Variants in ASPRV1 observed in about 807,000 individuals in gnomAD.
ASPRV1 encodes retroviral-like aspartic protease 1.
A neutral mutation model predicts 11.0 loss-of-function variants in ASPRV1; 7 were observed. The ratio of observed to expected loss-of-function variants is 0.64; its 90% CI spans 0.36 to 1.20. ASPRV1 has a LOEUF of 1.20. ASPRV1 is among the 50% of genes most tolerant of loss of function. The probability of loss-of-function intolerance (pLI) is 0.02; values close to 1 mark genes in which losing one functional copy is unlikely to be tolerated. For missense variants in ASPRV1, 299 were observed against 320.0 expected (o/e 0.93, Z 0.50); for synonymous variants, 136 against 138.4 (o/e 0.98, Z 0.12).
At chr2:70,056,772 A>G in the ASPRV1 span, among the ~76,000 whole-genome samples, 1 of 151,580 alleles carries the variant, frequency 6.6e-6, no homozygotes, top group Non-Finnish European at 1.5e-5. Flanking sequence ...TCTGTCACAC[A>G]GGCTGGAGTG....
At chr2:70,085,963 G>C in the ASPRV1 span, 2 of 152,234 alleles carry the variant, frequency 1.3e-5, no homozygotes, top group African/African-American at 4.8e-5. Context: ...AAATGCTTTG[G>C]TACTGTGGGG....
chr2:69,986,610 C>T, the ASPRV1 span, among the ~76,000 whole-genome samples: 372 of 152,348 alleles, frequency 2.4e-3, 3 homozygotes, highest in African/African-American at 8.5e-3. Context: ...ACAGGCGCTG[C>T]CCTGGGTTCT....
At chr2:69,994,150 TGTC>T in the ASPRV1 span, 1 of 152,306 alleles carries the variant, frequency 6.6e-6, no homozygotes, top group South Asian at 2.1e-4. Context: ...AAGATGTTTC[TGTC>T]GTCGTGTCAC....
At chr2:70,016,041 T>A in the ASPRV1 span, 1 of 152,092 alleles carries the variant, frequency 6.6e-6, no homozygotes, top group Non-Finnish European at 1.5e-5. Flanking sequence ...ACATCAAACT[T>A]GAACTACACT....
At chr2:69,994,825 G>A in the ASPRV1 span, among the ~76,000 whole-genome samples, 1 of 151,126 alleles carries the variant, frequency 6.6e-6, no homozygotes, top group Non-Finnish European at 1.5e-5. Context: ...GTGAAACCCT[G>A]TCTCTATTAA....
the ASPRV1 span, among the ~76,000 whole-genome samples, chr2:70,004,472 GTGAGCTGAGATCGTGCCAC>G: frequency 6.8e-6 from 1 of 146,508 alleles, no homozygotes; most frequent in Non-Finnish European, 1.5e-5. Flanking sequence ...AGAGGTTGCA[GTGAGCTGAGATCGTGCCAC>G]TGTACTCCAG....
At chr2:70,063,348 T>C in the ASPRV1 span, among the ~76,000 whole-genome samples, 1 of 152,168 alleles carries the variant, frequency 6.6e-6, no homozygotes. Flanking sequence ...TCCAGTACTT[T>C]TTGCTATGCC....
chr2:70,076,846 T>C, the ASPRV1 span, among the ~76,000 whole-genome samples: 1 of 152,236 alleles, frequency 6.6e-6, no homozygotes, highest in Non-Finnish European at 1.5e-5. Context: ...CCCAGCATCA[T>C]GAGAACGTGT....
the ASPRV1 span, among the ~76,000 whole-genome samples, chr2:69,953,211 G>A: frequency 6.6e-6 from 1 of 152,238 alleles, no homozygotes; most frequent in Non-Finnish European, 1.5e-5. Flanking sequence ...ATCAGTGTAT[G>A]ACCCAGTGCT....
At chr2:69,937,212 A>G in the ASPRV1 span, 18 of 1,611,082 alleles carry the variant, frequency 1.1e-5, no homozygotes, top group Non-Finnish European at 1.5e-5. Context: ...GTGGGGCCCA[A>G]CAACTACCCC....
At chr2:70,045,032 T>C in the ASPRV1 span, among the ~76,000 whole-genome samples, 1 of 152,208 alleles carries the variant, frequency 6.6e-6, no homozygotes, top group Non-Finnish European at 1.5e-5. Flanking sequence ...AATTGGTATC[T>C]TTCCCACATA....
chr2:69,962,321 A>G (rs1407713765), upstream of ASPRV1: 1 of 161,944 alleles, frequency 6.2e-6, no homozygotes, highest in Non-Finnish European at 1.5e-5. Context: ...TGGCCAAGCA[A>G]CTCTGGGTAG....
At chr2:70,034,071 G>A in the ASPRV1 span, among the ~76,000 whole-genome samples, 65 of 148,226 alleles carry the variant, frequency 4.4e-4, no homozygotes, top group East Asian at 8.8e-3. Flanking sequence ...GGAGAATGGC[G>A]TGAACCCCGG....
the ASPRV1 span, among the ~76,000 whole-genome samples, chr2:69,969,789 C>G: frequency 6.6e-6 from 1 of 152,168 alleles, no homozygotes. Context: ...GCCATGGCTC[C>G]CTGAAGCCTT....
the ASPRV1 span, among the ~76,000 whole-genome samples, chr2:70,079,876 T>A: frequency 6.6e-6 from 1 of 152,084 alleles, no homozygotes; most frequent in Admixed American, 6.5e-5. Context: ...GTCTCAGAAA[T>A]ACAAAAAGCA....
the ASPRV1 span, among the ~76,000 whole-genome samples, chr2:69,946,128 T>C: frequency 6.6e-6 from 1 of 152,202 alleles, no homozygotes; most frequent in African/African-American, 2.4e-5. Flanking sequence ...TCTGTTTAGT[T>C]ACAAGCAGAA....
At chr2:70,018,231 T>C in the ASPRV1 span, 14 of 151,746 alleles carry the variant, frequency 9.2e-5, no homozygotes, top group Middle Eastern at 3.2e-3. Context: ...GAAAGATCTG[T>C]ACATGGAAAA....
chr2:70,018,152 TA>T, the ASPRV1 span: 5 of 146,748 alleles, frequency 3.4e-5, no homozygotes, highest in Admixed American at 1.4e-4. Flanking sequence ...AATAAATAAA[TA>T]AAATAAAATA....
the ASPRV1 span, among the ~76,000 whole-genome samples, chr2:70,032,801 T>C: frequency 6.6e-6 from 1 of 152,194 alleles, no homozygotes; most frequent in Non-Finnish European, 1.5e-5. Flanking sequence ...GCTCTCCGAC[T>C]TTTTTAACTA....
Sources: allele counts gnomAD v4.1 joint callset (sites outside exome capture counted in the v4.1 genomes callset), GRCh38; gene constraint gnomAD v4.1.1; transcripts MANE v1.5; gene names NCBI Gene and HGNC (gene_info 2026-07-23, HGNC 2026-07-21).